Variants in SPG7 observed in about 807,000 individuals in gnomAD.
The protein encoded by SPG7 is mitochondrial inner membrane m-AAA protease component paraplegin.
A neutral mutation model predicts 81.9 loss-of-function variants in SPG7; 103 were observed. The ratio of observed to expected loss-of-function variants is 1.26; its 90% CI spans 1.07 to 1.48. SPG7 has a LOEUF of 1.48. Ranked by LOEUF, SPG7 falls within the 40% of genes most tolerant of loss-of-function variation. SPG7 has a pLI of 0.00. For synonymous variants in SPG7, 534 were observed against 444.2 expected, an observed-to-expected ratio of 1.20 and a Z score of -2.54; for missense variants, 1,241 against 1,087.3, an observed-to-expected ratio of 1.14 and a Z score of -1.99.
At position 89,510,504 on chromosome 16, in the gene SPG7, A is replaced by G. The variant is rs775616511; in HGVS notation, c.198A>G (p.Arg66=). 1.3e-6 allele frequency: 2 copies of G among 1,591,624 alleles called. No homozygotes were observed. The highest frequency in any genetic ancestry group is 2.2e-5 in the South Asian group (2 of 90,542). Residue 66 remains arginine, a synonymous_variant, in exon 2 of 17, where the codon AGA becomes AGG. Coordinates refer to ENST00000645818, the MANE Select transcript of SPG7 (RefSeq NM_003119.4). ...TTTTTTTTCAGAGCTTACAATTGAG[A>G]CTGCTAACCCCTACCTTTGAAGGGA... is the stretch of plus-strand genomic sequence containing the variant. The part of the protein sequence containing the change: ...GGRALQSLQL[R]LLTPTFEGIN...
chr16:89,544,582 C>T, intron 9 of SPG7, 66 bp from the exon 10 acceptor site: 1 of 1,599,090 alleles, frequency 6.3e-7, no homozygotes, highest in Non-Finnish European at 8.6e-7. Context: ...GAAGGGGAAC[C>T]TGCAGGGGAA....
chr16:89,544,350 C>G (rs1262722031), intron 9 of SPG7: 2 of 401,386 alleles, frequency 5.0e-6, no homozygotes, highest in Non-Finnish European at 9.5e-6. Flanking sequence ...AGGACCGGCT[C>G]CCAGATGGCA....
chr16:89,557,381 C>T lies in SPG7; in HGVS notation c.*288C>T, dbSNP rs2058698177. 5 of 458,014 alleles carry T rather than the reference C, an allele frequency of 1.1e-5. No individual in the cohort carries two copies. Among genetic ancestry groups the T allele is most frequent in the South Asian group, 4.5e-5 (2 of 44,784 alleles). 28.4% of individuals were successfully genotyped at this position (458,014 alleles called of 1,614,324 possible). ...TCGAGTTCCCAGGGTTATAGACAGT[C>T]GTTCCCAGTGTGGCTGAGGCCACCC... On this transcript the variant is annotated 3_prime_UTR_variant, in exon 17 of 17. Transcript: ENST00000645818.
At chr16:89,528,284 C>A (rs931551005) in intron 5 of SPG7, among the ~76,000 whole-genome samples, 2 of 150,974 alleles carry the variant, frequency 1.3e-5, no homozygotes, top group Non-Finnish European at 3.0e-5. Context: ...CCCAGCTACT[C>A]GGGAGGCTGA....
chr16:89,552,898 G>A (rs2152411819), intron 13 of SPG7, 81 bp from the exon 14 acceptor site: 1 of 1,374,992 alleles, frequency 7.3e-7, no homozygotes, highest in Non-Finnish European at 1.0e-6. Flanking sequence ...TTTAATGACG[G>A]AGACCTCTTA....
intron 4 of SPG7, among the ~76,000 whole-genome samples, chr16:89,525,955 T>G (rs574965384): frequency 6.6e-6 from 1 of 152,192 alleles, no homozygotes; most frequent in Non-Finnish European, 1.5e-5. Flanking sequence ...AGTTTTCCTA[T>G]GAGTGGAAAA....
chr16:89,508,569 A>T lies in SPG7; in HGVS notation c.152A>T (p.Asp51Val), dbSNP rs1161739922. Reference sequence around the variant, plus strand: ...TACATGGCCAGCAGGCCTCCGGGGGACCTCGCCGAGGCTGGAGGCCGAGCT... The same window carrying T: ...TACATGGCCAGCAGGCCTCCGGGGGTCCTCGCCGAGGCTGGAGGCCGAGCT... ...RPYMASRPPG[D>V]LAEAGGRALQ... The change falls in exon 1 of 17, where the codon GAC becomes GTC. Residue 51 changes from aspartate (D) to valine (V), a missense_variant. Coordinates refer to ENST00000645818, the MANE Select transcript of SPG7 (RefSeq NM_003119.4). 5 of 1,490,934 alleles carry T rather than the reference A, an allele frequency of 3.4e-6. No homozygotes were observed. Among genetic ancestry groups the T allele is most frequent in the East Asian group, 2.7e-5 (1 of 37,070 alleles). 92.4% of individuals were successfully genotyped at this position (1,490,934 alleles called of 1,614,324 possible).
intron 3 of SPG7, among the ~76,000 whole-genome samples, chr16:89,514,030 C>T (rs991795708): frequency 4.6e-5 from 7 of 152,074 alleles, no homozygotes; most frequent in African/African-American, 1.7e-4. Context: ...CAGCTTTACT[C>T]TGTGAGAGAG....
chr16:89,542,644 C>T (rs1299816492), intron 9 of SPG7, among the ~76,000 whole-genome samples: 3 of 152,150 alleles, frequency 2.0e-5, no homozygotes, highest in African/African-American at 7.2e-5. Flanking sequence ...CTGTCCAGAC[C>T]TGGCGGCTAC....
At chr16:89,527,399 G>A (rs1567909404) in intron 5 of SPG7, 1 of 152,228 alleles carries the variant, frequency 6.6e-6, no homozygotes, top group Admixed American at 6.5e-5. Flanking sequence ...GAGATACCTA[G>A]TGATCTGGCC....
rs1362681349 is a variant in SPG7, at chr16:89,557,089, A to C, written c.2384A>C (p.Lys795Thr). The change falls in exon 17 of 17, where the codon AAG (lysine) becomes ACG (threonine). Residue 795 changes from lysine to threonine, a missense_variant. Physicochemically the swap from Lys to Thr is moderately conservative, Grantham distance 78. Coordinates refer to ENST00000645818, the MANE Select transcript of SPG7 (RefSeq NM_003119.4). ...GGAGGCGAAGAGCCGACTTGGCCCA[A>C]GTAGTTGGGAGGTGTTGGCTGCACG... ...PLGGEEPTWP[K>T] The C allele has an allele frequency of 6.2e-7, 1 of 1,610,940 alleles. No individual in the cohort carries two copies. The highest frequency in any genetic ancestry group is 8.5e-7 in the Non-Finnish European group (1 of 1,179,696).
chr16:89,541,390 AAATTGTC>A, intron 9 of SPG7: 2 of 922,740 alleles, frequency 2.2e-6, no homozygotes, highest in Non-Finnish European at 1.3e-6. Flanking sequence ...CACTTGTACG[AAATTGTC>A]AAAATAACAA....
At chr16:89,544,802 T>G (rs1393669391) in intron 10 of SPG7, 30 bp downstream of exon 10, 2 of 1,613,116 alleles carry the variant, frequency 1.2e-6, no homozygotes, top group Non-Finnish European at 8.5e-7. Context: ...CCTCTCCCAC[T>G]CCACCTGGGC....
At chr16:89,547,550 C>T (rs760690317) in intron 11 of SPG7, 16 of 244,684 alleles carry the variant, frequency 6.5e-5, no homozygotes, top group Non-Finnish European at 1.2e-4. Flanking sequence ...GCCTCTCTCC[C>T]AGACGCTCTC....
At chr16:89,552,464 C>T (rs998329923) in intron 13 of SPG7, 3 of 174,992 alleles carry the variant, frequency 1.7e-5, no homozygotes, top group African/African-American at 4.8e-5. Flanking sequence ...CCAGCCCCTG[C>T]CCCGTCTCCG....
intron 1 of SPG7, chr16:89,509,104 A>AC (rs2057976377): frequency 2.5e-6 from 1 of 396,180 alleles, no homozygotes; most frequent in Admixed American, 2.6e-5. Flanking sequence ...GTCATTGAGC[A>AC]CCCCCTGTAG....
intron 16 of SPG7, 35 bp downstream of exon 16, chr16:89,554,598 C>G (rs771310144): frequency 6.8e-7 from 1 of 1,478,008 alleles, no homozygotes; most frequent in South Asian, 1.1e-5. Context: ...GCTACGGCGT[C>G]ACACAGTGTC....
At chr16:89,546,542 C>T in intron 10 of SPG7, 116 bp from the exon 11 acceptor site, 1 of 798,716 alleles carries the variant, frequency 1.3e-6, no homozygotes, top group South Asian at 1.3e-5. Flanking sequence ...GGCATGATGG[C>T]ACACACTTGT....
chr16:89,517,171 G>C (rs2058109238), intron 3 of SPG7: 1 of 152,382 alleles, frequency 6.6e-6, no homozygotes, highest in Non-Finnish European at 1.5e-5. Flanking sequence ...GGCCTGTGCG[G>C]ATTCTGCATT....
Sources: gnomAD v4.1 joint callset for allele counts (sites outside exome capture counted in the v4.1 genomes callset) on GRCh38, gnomAD v4.1.1 for gene constraint, MANE v1.5 for transcripts, NCBI Gene and HGNC (gene_info 2026-07-23, HGNC 2026-07-21) for gene names.